CCSER1: variants seen among roughly 807,000 people sequenced by gnomAD.
CCSER1 encodes the protein coiled-coil serine rich protein 1.
A neutral mutation model predicts 82.0 loss-of-function variants in CCSER1; 41 were observed. The ratio of observed to expected loss-of-function variants is 0.50; its 90% CI spans 0.39 to 0.65. The LOEUF (loss-of-function observed/expected upper bound fraction) is 0.65, where lower values mean the gene tolerates loss of function less well. Among genes scored for constraint, CCSER1 ranks in the 30% least tolerant of loss-of-function variants. The pLI is 0.00. For missense variants in CCSER1, 1,119 were observed against 1,064.2 expected, an observed-to-expected ratio of 1.05 and a Z score of -0.72; for synonymous variants, 414 against 383.9, an observed-to-expected ratio of 1.08 and a Z score of -0.92.
intron 1 of CCSER1, among the ~76,000 whole-genome samples, chr4:90,274,052 T>C (rs1727084230): frequency 6.6e-6 from 1 of 152,200 alleles, no homozygotes; most frequent in Non-Finnish European, 1.5e-5. Flanking sequence ...AATGCAAATT[T>C]AAAAACATCT....
At position 91,448,907 on chromosome 4, in the gene CCSER1, G is replaced by A. The variant is rs140500873; in HGVS notation, c.2218-149665G>A. On this transcript the variant is annotated intron_variant, in intron 10 of 10. Transcript: ENST00000509176. ...TTACAAGTGAATATACAGAACTATA[G>A]ACAGTGATAAGAGTTTTGAAACAAA... Among the ~76,000 whole-genome samples the A allele has an allele frequency of 6.7e-3, 1,024 of 152,152 alleles. 4 individuals are homozygous for A. The highest frequency in any genetic ancestry group is 0.02 in the Middle Eastern group (6 of 294).
chr4:91,249,662 C>A (rs2149143778), intron 10 of CCSER1, among the ~76,000 whole-genome samples: 1 of 152,204 alleles, frequency 6.6e-6, no homozygotes. Context: ...CAGTTTTCAT[C>A]TTTTCCAGAA....
At chr4:90,963,792 T>C (rs1406755267) in intron 9 of CCSER1, among the ~76,000 whole-genome samples, 1 of 152,226 alleles carries the variant, frequency 6.6e-6, no homozygotes, top group Non-Finnish European at 1.5e-5. Flanking sequence ...GGTATTTTGT[T>C]GTGGCTGCCT....
At chr4:91,214,031 A>G (rs1581782779) in intron 10 of CCSER1, among the ~76,000 whole-genome samples, 3 of 152,122 alleles carry the variant, frequency 2.0e-5, no homozygotes, top group Admixed American at 2.0e-4. Flanking sequence ...TGTGGGTTGA[A>G]TAGGGGTCTT....
chr4:91,179,406 T>C (rs1004586532), intron 10 of CCSER1, among the ~76,000 whole-genome samples: 2 of 152,186 alleles, frequency 1.3e-5, no homozygotes, highest in Admixed American at 1.3e-4. Context: ...TTTTCCAACT[T>C]GGTTCCATTC....
At chr4:90,276,337 CTT>C (rs1727798577) in intron 1 of CCSER1, among the ~76,000 whole-genome samples, 1 of 107,902 alleles carries the variant, frequency 9.3e-6, no homozygotes, top group Non-Finnish European at 1.9e-5. Context: ...TTCTTTCTTT[CTT>C]CTTTCTTTCT....
chr4:91,355,783 C>T (rs1383134179), intron 10 of CCSER1, among the ~76,000 whole-genome samples: 1 of 152,152 alleles, frequency 6.6e-6, no homozygotes, highest in Non-Finnish European at 1.5e-5. Flanking sequence ...CTCCCATCCA[C>T]GTACAGCTCC....
intron 3 of CCSER1, among the ~76,000 whole-genome samples, chr4:90,374,262 T>C (rs1747938323): frequency 1.3e-5 from 2 of 152,216 alleles, no homozygotes. Context: ...ACATTAATGG[T>C]CAACCAAGCA....
intron 10 of CCSER1, among the ~76,000 whole-genome samples, chr4:91,392,971 G>A (rs561554925): frequency 6.6e-6 from 1 of 152,210 alleles, no homozygotes; most frequent in Non-Finnish European, 1.5e-5. Flanking sequence ...TAGGGCTGAG[G>A]TGGTGTATTT....
At chr4:91,371,852 C>T (rs1750075702) in intron 10 of CCSER1, among the ~76,000 whole-genome samples, 1 of 129,272 alleles carries the variant, frequency 7.7e-6, no homozygotes, top group South Asian at 2.5e-4. Context: ...AGCTTTCTAC[C>T]CTAGGACCTA....
chr4:91,026,267 TC>T (rs1740482110), intron 9 of CCSER1, among the ~76,000 whole-genome samples: 1 of 152,118 alleles, frequency 6.6e-6, no homozygotes. Context: ...CTCTCCTGTT[TC>T]TCTGTAGTTG....
chr4:90,957,252 C>CCA (rs1554050088), intron 9 of CCSER1, among the ~76,000 whole-genome samples: 1 of 147,558 alleles, frequency 6.8e-6, no homozygotes, highest in Non-Finnish European at 1.5e-5. Context: ...CAGGCCCCCC[C>CCA]CACCACGTCC....
At chr4:90,654,371 C>G (rs1032402604) in intron 6 of CCSER1, among the ~76,000 whole-genome samples, 4 of 152,060 alleles carry the variant, frequency 2.6e-5, no homozygotes, top group African/African-American at 7.2e-5. Context: ...TTACTTGACA[C>G]TTGAATTTGT....
chr4:91,138,836 A>T (rs1450195664), intron 10 of CCSER1, among the ~76,000 whole-genome samples: 2 of 152,092 alleles, frequency 1.3e-5, no homozygotes, highest in African/African-American at 4.8e-5. Flanking sequence ...ACATGAAAAA[A>T]TGCTCATCAT....
intron 5 of CCSER1, among the ~76,000 whole-genome samples, chr4:90,537,609 C>G (rs529523282): frequency 6.6e-6 from 1 of 152,162 alleles, no homozygotes; most frequent in African/African-American, 2.4e-5. Flanking sequence ...TAATTTTCTT[C>G]TGCTTTGTGG....
intron 6 of CCSER1, among the ~76,000 whole-genome samples, chr4:90,657,734 C>A (rs372567157): frequency 1.3e-5 from 2 of 152,112 alleles, no homozygotes; most frequent in Non-Finnish European, 2.9e-5. Context: ...GTTTTCAATT[C>A]TCTGCTGAAA....
chr4:90,593,482 T>A (rs1376179600), intron 5 of CCSER1, among the ~76,000 whole-genome samples: 1 of 152,084 alleles, frequency 6.6e-6, no homozygotes, highest in Non-Finnish European at 1.5e-5. Flanking sequence ...GGTTTAAATA[T>A]CCTCTAGAGA....
intron 7 of CCSER1, among the ~76,000 whole-genome samples, chr4:90,750,615 C>G (rs1349637171): frequency 6.6e-6 from 1 of 152,128 alleles, no homozygotes; most frequent in African/African-American, 2.4e-5. Context: ...TCTTAAAATG[C>G]TCCTCTCTTT....
At chr4:91,327,466 G>T (rs1746650149) in intron 10 of CCSER1, among the ~76,000 whole-genome samples, 1 of 152,196 alleles carries the variant, frequency 6.6e-6, no homozygotes, top group African/African-American at 2.4e-5. Context: ...GAGCAGCAGG[G>T]CCCTAAGCCT....
Sources: allele counts gnomAD v4.1 joint callset (sites outside exome capture counted in the v4.1 genomes callset), GRCh38; gene constraint gnomAD v4.1.1; transcripts MANE v1.5; gene names NCBI Gene and HGNC (gene_info 2026-07-23, HGNC 2026-07-21).